INPP4B: variants seen among roughly 807,000 people sequenced by gnomAD.
INPP4B encodes inositol polyphosphate-4-phosphatase type II B.
Under a neutral mutation model 122.5 loss-of-function variants are expected in INPP4B, and 55 were observed. The observed-to-expected ratio is 0.45, with a 90% CI of 0.36 to 0.56. INPP4B has a LOEUF of 0.56. Ranked by LOEUF, INPP4B falls within the 20% of genes least tolerant of loss-of-function variation. The pLI, the probability that INPP4B is intolerant of heterozygous loss-of-function variation, is 0.00. For missense variants in INPP4B, 1,000 were observed against 1,097.7 expected (o/e 0.91, Z 1.26); for synonymous variants, 403 against 388.7 (o/e 1.04, Z -0.43).
At chr4:142,343,615 C>A (rs1413482832) in intron 7 of INPP4B, among the ~76,000 whole-genome samples, 1 of 151,984 alleles carries the variant, frequency 6.6e-6, no homozygotes, top group Admixed American at 6.6e-5. Context: ...CCTAGCTGAT[C>A]TAACAGACTA....
intron 5 of INPP4B, chr4:142,427,499 G>T: frequency 1.5e-6 from 1 of 658,528 alleles, no homozygotes. Context: ...AGTGATGATG[G>T]TGTTGTTACT....
chr4:142,716,042 C>G (rs939511197), intron 2 of INPP4B, among the ~76,000 whole-genome samples: 1 of 152,172 alleles, frequency 6.6e-6, no homozygotes, highest in Non-Finnish European at 1.5e-5. Context: ...GAGAGGCAAG[C>G]AGCTTCTATG....
intron 3 of INPP4B, among the ~76,000 whole-genome samples, chr4:142,440,083 G>T (rs190904895): frequency 6.6e-6 from 1 of 152,184 alleles, no homozygotes; most frequent in Non-Finnish European, 1.5e-5. Context: ...ATAGCAACAA[G>T]ATTGATTCCA....
At chr4:142,340,990 G>A (rs563081006) in intron 7 of INPP4B, among the ~76,000 whole-genome samples, 4 of 152,236 alleles carry the variant, frequency 2.6e-5, no homozygotes, top group African/African-American at 9.6e-5. Context: ...GGAACTTAAA[G>A]GGCATCTCAT....
At chr4:142,450,995 T>A (rs1814053556) in intron 3 of INPP4B, among the ~76,000 whole-genome samples, 1 of 150,102 alleles carries the variant, frequency 6.7e-6, no homozygotes, top group Non-Finnish European at 1.5e-5. Flanking sequence ...AAAAAAAGTA[T>A]AACCTATCAA....
At chr4:142,620,578 A>G (rs1308597791) in intron 2 of INPP4B, among the ~76,000 whole-genome samples, 1 of 151,994 alleles carries the variant, frequency 6.6e-6, no homozygotes, top group African/African-American at 2.4e-5. Context: ...TGGATGATGA[A>G]ATAGTATGTA....
intron 1 of INPP4B, among the ~76,000 whole-genome samples, chr4:142,785,394 A>G (rs942799280): frequency 3.9e-5 from 6 of 152,040 alleles, no homozygotes; most frequent in African/African-American, 1.4e-4. Flanking sequence ...TAAAAAAATT[A>G]AAATAATTAT....
intron 12 of INPP4B, among the ~76,000 whole-genome samples, chr4:142,217,530 C>G (rs980116655): frequency 6.6e-6 from 1 of 152,198 alleles, no homozygotes; most frequent in African/African-American, 2.4e-5. Context: ...ATGGTTCGGT[C>G]TTCTACCCTT....
intron 2 of INPP4B, among the ~76,000 whole-genome samples, chr4:142,716,866 C>G (rs1290898212): frequency 2.0e-5 from 3 of 152,188 alleles, no homozygotes; most frequent in South Asian, 2.1e-4. Flanking sequence ...GCCTCAAGAG[C>G]TCTTTCACAT....
chr4:142,464,312 T>C (rs916299453), intron 2 of INPP4B, among the ~76,000 whole-genome samples: 2 of 152,128 alleles, frequency 1.3e-5, no homozygotes, highest in African/African-American at 4.8e-5. Context: ...TATTATTTGG[T>C]CAAAAGATGT....
At chr4:142,485,371 A>C (rs1021635982) in intron 2 of INPP4B, among the ~76,000 whole-genome samples, 13 of 152,240 alleles carry the variant, frequency 8.5e-5, no homozygotes, top group Non-Finnish European at 1.2e-4. Flanking sequence ...GCAACAAATA[A>C]TGATATTCAT....
At chr4:142,604,072 T>G (rs1277447500) in intron 2 of INPP4B, among the ~76,000 whole-genome samples, 2 of 152,028 alleles carry the variant, frequency 1.3e-5, no homozygotes, top group Admixed American at 1.3e-4. Context: ...GATGGTTCAA[T>G]ACACGCAAAT....
chr4:142,450,242 A>G (rs1233006906), intron 3 of INPP4B, among the ~76,000 whole-genome samples: 2 of 152,202 alleles, frequency 1.3e-5, no homozygotes, highest in Non-Finnish European at 2.9e-5. Context: ...GAGCCAGTTC[A>G]TGGCATGCCA....
At chr4:142,426,489 G>T (rs1488264439) in intron 5 of INPP4B, 2 of 151,960 alleles carry the variant, frequency 1.3e-5, no homozygotes, top group African/African-American at 2.4e-5. Context: ...AGTTGTAGGG[G>T]TGAATTATTT....
intron 2 of INPP4B, among the ~76,000 whole-genome samples, chr4:142,579,876 T>C (rs964337662): frequency 9.1e-6 from 1 of 109,994 alleles, no homozygotes; most frequent in African/African-American, 3.5e-5. Flanking sequence ...GATAGATAGG[T>C]AGGTAGATAG....
chr4:142,643,313 A>G lies in INPP4B; in HGVS notation c.-191+82526T>C, dbSNP rs567362304. ...GATAGACAAGAATAGTGTATGCTTT[A>G]TAATATTTATATACAGGGAAGATAA... On this transcript the variant is annotated intron_variant, in intron 2 of 25. Transcript: ENST00000262992. Among the ~76,000 whole-genome samples the G allele has an allele frequency of 3.3e-5, 5 of 152,324 alleles. No individual in the cohort carries two copies. The South Asian group carries it at 8.3e-4, about 25-fold the overall frequency.
At position 142,124,625 on chromosome 4, in the gene INPP4B, A is replaced by G. The variant is rs760656782; in HGVS notation, c.1856T>C (p.Met619Thr). The G allele has an allele frequency of 6.2e-7, 1 of 1,613,574 alleles. No individual in the cohort carries two copies. Among genetic ancestry groups the G allele is most frequent in the Non-Finnish European group, 8.5e-7 (1 of 1,179,654 alleles). ...ELAYSLPQCL[M>T]LTLRRDIVFS... is the part of the protein sequence containing the mutation. ...GACGATGTCTCTTCTTAGCGTCAGC[A>G]TCAGACACTGGGGCAAGCTGTACGC... The change falls in exon 19 of 26, where the codon ATG (methionine) becomes ACG (threonine). Residue 619 changes from methionine to threonine, a missense_variant. Physicochemically the swap from Met to Thr is moderately conservative, Grantham distance 81 (BLOSUM62 -1). Coordinates refer to ENST00000262992, the MANE Select transcript of INPP4B (RefSeq NM_001101669.3).
At chr4:142,543,944 T>C (rs1353064559) in intron 2 of INPP4B, among the ~76,000 whole-genome samples, 1 of 152,156 alleles carries the variant, frequency 6.6e-6, no homozygotes, top group Non-Finnish European at 1.5e-5. Flanking sequence ...AAAAGCTTGC[T>C]GCTTGGCTGA....
chr4:142,253,548 C>G (rs963572474), intron 11 of INPP4B, among the ~76,000 whole-genome samples: 3 of 152,216 alleles, frequency 2.0e-5, no homozygotes, highest in Non-Finnish European at 2.9e-5. Flanking sequence ...TCGGGAAGTG[C>G]AAGGGGTCAG....
Sources: gnomAD v4.1 joint callset for allele counts (sites outside exome capture counted in the v4.1 genomes callset) on GRCh38, gnomAD v4.1.1 for gene constraint, MANE v1.5 for transcripts, NCBI Gene and HGNC (gene_info 2026-07-23, HGNC 2026-07-21) for gene names.